Variants in PEPD observed in about 807,000 individuals in gnomAD.
PEPD encodes the protein peptidase D.
A neutral mutation model predicts 60.7 loss-of-function variants in PEPD; 53 were observed. The observed-to-expected ratio is 0.87, with a 90% CI of 0.70 to 1.10. The LOEUF (loss-of-function observed/expected upper bound fraction) is 1.10. Ranked by LOEUF, PEPD falls within the 50% of genes least tolerant of loss-of-function variation. The pLI is 0.00. For synonymous variants in PEPD, 267 were observed against 284.1 expected (o/e 0.94, Z 0.60); for missense variants, 711 against 711.9 (o/e 1.00, Z 0.01).
At chr19:33,470,534 CTG>C (rs1192407278) in intron 7 of PEPD, among the ~76,000 whole-genome samples, 1 of 152,164 alleles carries the variant, frequency 6.6e-6, no homozygotes, top group African/African-American at 2.4e-5. Context: ...AATCCCTTCT[CTG>C]TGTTCCCTGG....
At chr19:33,405,691 C>T (rs1179866098) in intron 11 of PEPD, among the ~76,000 whole-genome samples, 3 of 152,252 alleles carry the variant, frequency 2.0e-5, no homozygotes, top group Non-Finnish European at 2.9e-5. Flanking sequence ...TGCCAAGCTC[C>T]AAGCGTGGCC....
At chr19:33,412,657 TG>T (rs1168041718) in intron 10 of PEPD, among the ~76,000 whole-genome samples, 1 of 152,258 alleles carries the variant, frequency 6.6e-6, no homozygotes, top group African/African-American at 2.4e-5. Flanking sequence ...TCAGGAGTCT[TG>T]GGAATCATAA....
chr19:33,438,286 G>A (rs1969418994), intron 9 of PEPD, among the ~76,000 whole-genome samples: 1 of 152,226 alleles, frequency 6.6e-6, no homozygotes, highest in African/African-American at 2.4e-5. Flanking sequence ...TGCCCACTCT[G>A]CAGGGAAAAC....
chr19:33,395,449 G>A (rs907537750), intron 12 of PEPD, among the ~76,000 whole-genome samples: 3 of 152,136 alleles, frequency 2.0e-5, no homozygotes, highest in Non-Finnish European at 4.4e-5. Context: ...ACCCTAGAAC[G>A]GGCAGGGTGG....
chr19:33,460,631 T>C (rs575802290), intron 9 of PEPD, among the ~76,000 whole-genome samples: 1 of 152,212 alleles, frequency 6.6e-6, no homozygotes, highest in African/African-American at 2.4e-5. Flanking sequence ...ACAGATCAGA[T>C]AGCTTCCCTG....
chr19:33,491,597 G>A (rs530623015), intron 5 of PEPD, among the ~76,000 whole-genome samples: 6 of 152,292 alleles, frequency 3.9e-5, no homozygotes, highest in African/African-American at 4.8e-5. Context: ...AGACAGGGTC[G>A]TTTATAACCT....
intron 7 of PEPD, among the ~76,000 whole-genome samples, chr19:33,476,754 C>T (rs1455979983): frequency 6.6e-6 from 1 of 152,148 alleles, no homozygotes; most frequent in African/African-American, 2.4e-5. Flanking sequence ...ACCTCCGCTT[C>T]CCAGGTTCAC....
chr19:33,494,767 G>A (rs1600161235), intron 4 of PEPD, among the ~76,000 whole-genome samples: 1 of 152,204 alleles, frequency 6.6e-6, no homozygotes, highest in African/African-American at 2.4e-5. Context: ...ACAGATTAGA[G>A]AACTTGCCTG....
intron 6 of PEPD, among the ~76,000 whole-genome samples, chr19:33,486,413 C>T (rs73594013): frequency 0.1 from 15,411 of 152,000 alleles, 1,003 homozygotes; most frequent in Admixed American, 0.18. Context: ...CTGCCTGGGC[C>T]GGACCCCAAA....
intron 3 of PEPD, among the ~76,000 whole-genome samples, chr19:33,502,395 G>A (rs1411247929): frequency 6.6e-6 from 1 of 152,186 alleles, no homozygotes; most frequent in East Asian, 1.9e-4. Flanking sequence ...GGTGAGGCAG[G>A]AGAATAGGGT....
intron 9 of PEPD, among the ~76,000 whole-genome samples, chr19:33,459,091 T>C (rs1035959172): frequency 6.6e-6 from 1 of 151,992 alleles, no homozygotes; most frequent in Non-Finnish European, 1.5e-5. Flanking sequence ...GGAGCTGCGA[T>C]TGAGGGCTGT....
chr19:33,411,727 G>C lies in PEPD; in HGVS notation c.763C>G (p.His255Asp). The stretch of plus-strand genomic sequence containing the variant: ...TTGGGAGCTCCGGCGTGTCCGTAGT[G>C]TAGCACGGCTGAGTTCTCACCACTG... ...CGSGENSAVL[H>D]YGHAGAPNDR... Residue 255 changes from histidine to aspartate, a missense_variant, in exon 11 of 15, where the codon CAC becomes GAC. Physicochemically the swap from His to Asp is moderately conservative, Grantham distance 81. Transcript: ENST00000244137. 2 of 1,609,576 alleles carry C rather than the reference G, an allele frequency of 1.2e-6. No individual in the cohort carries two copies. The highest frequency in any genetic ancestry group is 1.7e-6 in the Non-Finnish European group (2 of 1,176,218).
intron 4 of PEPD, among the ~76,000 whole-genome samples, chr19:33,495,500 CAAA>C (rs879774146): frequency 4.7e-5 from 4 of 85,604 alleles, no homozygotes; most frequent in African/African-American, 4.7e-5. Flanking sequence ...GACTCTGTCT[CAAA>C]AAAAAAAAAA....
chr19:33,413,617 CG>C lies in PEPD; in HGVS notation c.697del (p.Arg233GlyfsTer88), dbSNP rs766829480. The C allele has an allele frequency of 6.3e-7, 1 of 1,588,898 alleles. No homozygotes were observed. The highest frequency in any genetic ancestry group is 8.6e-7 in the Non-Finnish European group (1 of 1,167,278). ...ESLFEHYCYS[R>X]GGMRHSSYTC... ...GTAGGAGCTGTGGCGCATGCCGCCC[CG>C]GGAGTAGCAGTAGTGCTCGAAGAGG... On this transcript the variant is annotated frameshift_variant, in exon 10 of 15. Coordinates refer to ENST00000244137, the MANE Select transcript of PEPD (RefSeq NM_000285.4). LOFTEE classifies it high-confidence loss of function.
intron 1 of PEPD, among the ~76,000 whole-genome samples, chr19:33,513,633 C>T (rs144591846): frequency 8.9e-4 from 136 of 152,306 alleles, no homozygotes; most frequent in Non-Finnish European, 1.4e-3. Context: ...GCCAGAAGGG[C>T]CCTTTCAAAA....
At chr19:33,484,929 A>G (rs751399450) in intron 6 of PEPD, among the ~76,000 whole-genome samples, 4 of 152,242 alleles carry the variant, frequency 2.6e-5, no homozygotes, top group Non-Finnish European at 4.4e-5. Flanking sequence ...ATGAGCATGT[A>G]TTAATCGTGT....
chr19:33,400,475 T>C (rs1968462335), intron 12 of PEPD, among the ~76,000 whole-genome samples: 1 of 152,234 alleles, frequency 6.6e-6, no homozygotes, highest in African/African-American at 2.4e-5. Flanking sequence ...ATGCAGAACC[T>C]GCGTGCCTTG....
At chr19:33,455,496 CTTTTT>C (rs1369620512) in intron 9 of PEPD, among the ~76,000 whole-genome samples, 1 of 150,470 alleles carries the variant, frequency 6.6e-6, no homozygotes, top group Non-Finnish European at 1.5e-5. Flanking sequence ...AGGTTTTTGG[CTTTTT>C]TTTCTCTTTT....
chr19:33,439,085 T>C (rs1969434344), intron 9 of PEPD, among the ~76,000 whole-genome samples: 1 of 152,198 alleles, frequency 6.6e-6, no homozygotes, highest in African/African-American at 2.4e-5. Context: ...AGTGCAGAAG[T>C]GGCTGCCCAA....
Sources: allele counts gnomAD v4.1 joint callset (sites outside exome capture counted in the v4.1 genomes callset), GRCh38; gene constraint gnomAD v4.1.1; transcripts MANE v1.5; gene names NCBI Gene and HGNC (gene_info 2026-07-23, HGNC 2026-07-21).